Variants in AGBL1 observed in about 807,000 individuals in gnomAD.
AGBL1 encodes the protein AGBL carboxypeptidase 1.
A neutral mutation model predicts 118.9 loss-of-function variants in AGBL1; 130 were observed. The observed-to-expected ratio is 1.09, with a 90% CI of 0.95 to 1.26. The LOEUF is 1.26. Ranked by LOEUF, AGBL1 falls within the 50% of genes most tolerant of loss-of-function variation. The pLI is 0.00. For missense variants in AGBL1, 1,584 were observed against 1,298.1 expected, an observed-to-expected ratio of 1.22 and a Z score of -3.38; for synonymous variants, 555 against 478.9, an observed-to-expected ratio of 1.16 and a Z score of -2.08.
In AGBL1 at chr15:86,279,996, C is replaced by A. The variant is rs187108636; in HGVS notation, c.2220+213C>A. Among the ~76,000 whole-genome samples the A allele has an allele frequency of 2.6e-4, 39 of 152,280 alleles. 1 individual carries two copies. In the East Asian group the frequency reaches 4.3e-3, roughly 17 times the overall value. On this transcript the variant is annotated intron_variant, in intron 16 of 22. Coordinates refer to ENST00000614907, the MANE Select transcript of AGBL1 (RefSeq NM_001386094.1). ...CCCTGGACAGAGCACAAGGCTGAGC[C>A]TTGATCAGTGACATTCCAAAGGCCC...
At chr15:86,189,237 C>G (rs2077678969) in intron 5 of AGBL1, among the ~76,000 whole-genome samples, 1 of 152,154 alleles carries the variant, frequency 6.6e-6, no homozygotes, top group Non-Finnish European at 1.5e-5. Flanking sequence ...CATTTTACAT[C>G]TGGAGAACTT....
intron 23 of AGBL1, among the ~76,000 whole-genome samples, chr15:86,961,267 C>A (rs972078170): frequency 4.6e-5 from 7 of 151,900 alleles, no homozygotes; most frequent in African/African-American, 1.7e-4. Flanking sequence ...GTCATTGCTG[C>A]AACCTCTGTT....
chr15:86,627,838 G>C (rs370644210), intron 21 of AGBL1, among the ~76,000 whole-genome samples: 8 of 152,312 alleles, frequency 5.3e-5, no homozygotes, highest in African/African-American at 1.9e-4. Context: ...GCTGTGATGA[G>C]TGCTGTTTTC....
intron 19 of AGBL1, among the ~76,000 whole-genome samples, chr15:86,530,242 G>C (rs2083330424): frequency 7.6e-6 from 1 of 131,080 alleles, no homozygotes. Flanking sequence ...CACATAGGCT[G>C]AAAATAAAAG....
chr15:86,676,885 G>C (rs1020058171), intron 22 of AGBL1, among the ~76,000 whole-genome samples: 1 of 152,062 alleles, frequency 6.6e-6, no homozygotes, highest in African/African-American at 2.4e-5. Flanking sequence ...GGTGGATCAC[G>C]AGGTCAGGAG....
intron 7 of AGBL1, 90 bp from the exon 8 acceptor site, chr15:86,256,763 T>C: frequency 7.5e-7 from 1 of 1,335,812 alleles, no homozygotes; most frequent in South Asian, 1.4e-5. Context: ...GACTGTGCTG[T>C]GTTACAGCTT....
At chr15:86,682,256 C>A (rs1390094009) in intron 22 of AGBL1, among the ~76,000 whole-genome samples, 2 of 152,030 alleles carry the variant, frequency 1.3e-5, no homozygotes, top group African/African-American at 4.8e-5. Flanking sequence ...TTAAATGGCT[C>A]CCTAACTGGT....
intron 18 of AGBL1, among the ~76,000 whole-genome samples, chr15:86,442,533 G>T (rs1308857505): frequency 6.6e-6 from 1 of 152,192 alleles, no homozygotes; most frequent in East Asian, 1.9e-4. Context: ...AACGATAACA[G>T]TCCTAATAAA....
intron 18 of AGBL1, among the ~76,000 whole-genome samples, chr15:86,399,217 A>G (rs1050264592): frequency 6.6e-6 from 1 of 152,054 alleles, no homozygotes; most frequent in African/African-American, 2.4e-5. Flanking sequence ...GTCAAACAGA[A>G]CTCAGCCGAC....
At chr15:86,789,365 A>G (rs368261860) in intron 22 of AGBL1, among the ~76,000 whole-genome samples, 15 of 152,344 alleles carry the variant, frequency 9.8e-5, no homozygotes, top group African/African-American at 3.1e-4. Flanking sequence ...CATCTGAGAC[A>G]AGTTTCAGCC....
intron 22 of AGBL1, among the ~76,000 whole-genome samples, chr15:86,735,555 C>T (rs2077580026): frequency 6.6e-6 from 1 of 151,630 alleles, no homozygotes; most frequent in Admixed American, 6.6e-5. Context: ...AACTATTGCA[C>T]ATTTTACTAC....
chr15:86,433,170 G>T (rs2081956737), intron 18 of AGBL1, among the ~76,000 whole-genome samples: 1 of 151,352 alleles, frequency 6.6e-6, no homozygotes, highest in South Asian at 2.1e-4. Context: ...AAAAGATGAG[G>T]AGTCTGAATA....
intron 22 of AGBL1, among the ~76,000 whole-genome samples, chr15:86,731,073 C>T (rs35862599): frequency 0.18 from 27,366 of 151,982 alleles, 2,708 homozygotes; most frequent in African/African-American, 0.26. Context: ...TCAGGTGATC[C>T]GCCCGTCTTG....
chr15:86,872,510 C>G (rs1180316484), intron 22 of AGBL1, among the ~76,000 whole-genome samples: 1 of 152,180 alleles, frequency 6.6e-6, no homozygotes, highest in African/African-American at 2.4e-5. Flanking sequence ...AATCCCAGCA[C>G]TTTGGGAGGC....
chr15:86,431,287 G>A (rs2081932630), intron 18 of AGBL1, among the ~76,000 whole-genome samples: 1 of 152,172 alleles, frequency 6.6e-6, no homozygotes, highest in Non-Finnish European at 1.5e-5. Flanking sequence ...ACATAAAATT[G>A]AATAGCCCTA....
intron 20 of AGBL1, 144 bp downstream of exon 20, chr15:86,546,277 T>C: frequency 9.7e-7 from 1 of 1,034,354 alleles, no homozygotes; most frequent in Non-Finnish European, 1.3e-6. Context: ...AGGATTGTAA[T>C]ACAAGCAGGC....
In AGBL1 at chr15:86,257,028, G is replaced by C. The variant is rs2078907819; in HGVS notation, c.901+10G>C. On this transcript the variant is annotated intron_variant, in intron 8 of 22. Coordinates refer to ENST00000614907, the MANE Select transcript of AGBL1 (RefSeq NM_001386094.1). ...CATGATCTACCTGAAGGTAAAATAAGTTGGTAACTATGACCTTTAAGATGA... is the reference window on the plus strand; with the variant it reads ...CATGATCTACCTGAAGGTAAAATAACTTGGTAACTATGACCTTTAAGATGA... 1.9e-6 allele frequency: 3 copies of C among 1,611,946 alleles called. No individual in the cohort carries two copies. The highest frequency in any genetic ancestry group is 1.7e-6 in the Non-Finnish European group (2 of 1,178,974).
chr15:86,085,058 C>T (rs1895545106), intron 1 of AGBL1, among the ~76,000 whole-genome samples: 1 of 152,146 alleles, frequency 6.6e-6, no homozygotes, highest in Non-Finnish European at 1.5e-5. Flanking sequence ...AATACAGTCA[C>T]TGCCTTCATG....
chr15:86,283,854 T>A (rs1048246348), intron 16 of AGBL1, among the ~76,000 whole-genome samples: 1 of 152,082 alleles, frequency 6.6e-6, no homozygotes, highest in Non-Finnish European at 1.5e-5. Context: ...TCCAGGGTCT[T>A]GGGCACAAAG....
Sources: allele counts gnomAD v4.1 joint callset (sites outside exome capture counted in the v4.1 genomes callset), GRCh38; gene constraint gnomAD v4.1.1; transcripts MANE v1.5; gene names NCBI Gene and HGNC (gene_info 2026-07-23, HGNC 2026-07-21).